DOCK9: variants seen among roughly 807,000 people sequenced by gnomAD.
DOCK9 encodes the protein dedicator of cytokinesis protein 9.
A neutral mutation model predicts 263.3 loss-of-function variants in DOCK9; 89 were observed. The observed-to-expected ratio is 0.34, with a 90% CI of 0.28 to 0.40. The LOEUF (loss-of-function observed/expected upper bound fraction) is 0.40, where lower values mean the gene tolerates loss of function less well. Among genes scored for constraint, DOCK9 ranks in the 10% least tolerant of loss-of-function variants. The pLI is 1.00. For missense variants in DOCK9, 2,140 were observed against 2,603.4 expected (o/e 0.82, Z 3.87); for synonymous variants, 976 against 973.1 (o/e 1.00, Z -0.06).
At position 98,922,042 on chromosome 13, in the gene DOCK9, C is replaced by T. The variant is rs773960375; in HGVS notation, c.582+9G>A. On this transcript the variant is annotated intron_variant, in intron 6 of 52. Transcript: ENST00000682017. ...TGAGAGGGGAGGGCAAAGTGATGTG[C>T]GTCCTCACCCTCATGGTCACGCTGA... is the stretch of plus-strand genomic sequence containing the variant. The T allele has an allele frequency of 7.6e-6, 12 of 1,576,572 alleles. No individual in the cohort carries two copies. The highest frequency in any genetic ancestry group is 4.0e-5 in the African/African-American group (3 of 74,256).
chr13:98,903,170 A>G (rs1448431991), intron 10 of DOCK9, 58 bp from the exon 11 acceptor site: 1 of 1,307,298 alleles, frequency 7.6e-7, no homozygotes, highest in African/African-American at 1.5e-5. Flanking sequence ...AAAAAACATC[A>G]TAAATGCATC....
intron 23 of DOCK9, among the ~76,000 whole-genome samples, chr13:98,882,391 T>C (rs2044931379): frequency 1.3e-5 from 2 of 152,188 alleles, no homozygotes; most frequent in African/African-American, 4.8e-5. Flanking sequence ...AGCAATCACA[T>C]ATAAAAACTT....
At chr13:98,807,360 C>G (rs1338444257) in intron 48 of DOCK9, among the ~76,000 whole-genome samples, 1 of 152,148 alleles carries the variant, frequency 6.6e-6, no homozygotes, top group Non-Finnish European at 1.5e-5. Flanking sequence ...CAGTGAGTAG[C>G]GAAGCCACGG....
At chr13:98,932,861 C>G (rs554801692) in intron 2 of DOCK9, among the ~76,000 whole-genome samples, 1 of 152,258 alleles carries the variant, frequency 6.6e-6, no homozygotes, top group East Asian at 1.9e-4. Context: ...CTCCTAGGTC[C>G]TGACTTCTTT....
chr13:98,871,567 A>G (rs566737907), intron 27 of DOCK9, among the ~76,000 whole-genome samples: 1 of 152,360 alleles, frequency 6.6e-6, no homozygotes, highest in South Asian at 2.1e-4. Context: ...CCTAAGCAAT[A>G]GAATGTTTTT....
At chr13:99,075,979 G>C (rs558979403) in intron 1 of DOCK9, among the ~76,000 whole-genome samples, 1 of 152,074 alleles carries the variant, frequency 6.6e-6, no homozygotes, top group East Asian at 1.9e-4. Context: ...ACACCCAAGC[G>C]CTATCTTAAT....
At chr13:99,026,814 C>G (rs914287521) in intron 1 of DOCK9, among the ~76,000 whole-genome samples, 1 of 152,108 alleles carries the variant, frequency 6.6e-6, no homozygotes, top group African/African-American at 2.4e-5. Flanking sequence ...TGAGGCCAGT[C>G]TAGTCATCTC....
At chr13:98,885,378 C>A (rs2045525683) in intron 20 of DOCK9, 2 of 525,820 alleles carry the variant, frequency 3.8e-6, no homozygotes, top group Non-Finnish European at 6.9e-6. Flanking sequence ...CAGAGGTGGG[C>A]AGACTGCTTG....
At chr13:99,052,853 TTTGAG>T (rs1213645822) in intron 1 of DOCK9, among the ~76,000 whole-genome samples, 3 of 152,192 alleles carry the variant, frequency 2.0e-5, no homozygotes, top group African/African-American at 2.4e-5. Context: ...GTTTTCTCAC[TTTGAG>T]TTGAGTTTTT....
At chr13:99,047,517 C>CT (rs80048308) in intron 1 of DOCK9, among the ~76,000 whole-genome samples, 32,852 of 126,988 alleles carry the variant, frequency 0.26, 4,887 homozygotes, top group East Asian at 0.38. Context: ...GGTTCTAATC[C>CT]TTTTTTTTTT....
At chr13:98,918,517 C>T (rs905093444) in intron 7 of DOCK9, among the ~76,000 whole-genome samples, 2 of 151,816 alleles carry the variant, frequency 1.3e-5, no homozygotes, top group Non-Finnish European at 2.9e-5. Context: ...GACACAACAA[C>T]CAAAATTTTA....
intron 1 of DOCK9, among the ~76,000 whole-genome samples, chr13:98,967,577 C>T (rs1255075100): frequency 2.6e-5 from 4 of 152,184 alleles, no homozygotes; most frequent in African/African-American, 9.7e-5. Context: ...TTTCTAGAAC[C>T]AGAAGTGCCT....
At chr13:98,924,986 GA>G (rs1426714056) in intron 4 of DOCK9, among the ~76,000 whole-genome samples, 2 of 152,014 alleles carry the variant, frequency 1.3e-5, no homozygotes, top group African/African-American at 2.4e-5. Flanking sequence ...CCAACACGGT[GA>G]AACCCTGTCT....
At chr13:98,891,571 G>A (rs2139075465) in intron 15 of DOCK9, among the ~76,000 whole-genome samples, 1 of 152,176 alleles carries the variant, frequency 6.6e-6, no homozygotes, top group Non-Finnish European at 1.5e-5. Context: ...TTTGAGAGAG[G>A]TGGAACACAA....
chr13:98,883,015 G>A (rs2045073780), intron 23 of DOCK9, 27 bp downstream of exon 23: 1 of 1,592,482 alleles, frequency 6.3e-7, no homozygotes, highest in South Asian at 1.1e-5. Context: ...TCACTTAAAA[G>A]GGGATACTAA....
At chr13:98,979,336 CAT>C (rs1876489620), upstream of DOCK9, among the ~76,000 whole-genome samples, 1 of 152,098 alleles carries the variant, frequency 6.6e-6, no homozygotes, top group South Asian at 2.1e-4. Context: ...AGGGAAATAA[CAT>C]AAACTATTAT....
rs113103644 is a variant in DOCK9 at position 99,001,891 on chromosome 13, C to A, written c.130-46340G>T. ...CTTCCAACTGGCAAGAATGTTAGGGCCCTATGAAAGCTGGATCTGTCCTTG... is the reference window on the plus strand; with the variant it reads ...CTTCCAACTGGCAAGAATGTTAGGGACCTATGAAAGCTGGATCTGTCCTTG... On this transcript the variant is annotated intron_variant, in intron 1 of 32. Coordinates refer to the DOCK9 transcript ENST00000427887. Among the ~76,000 whole-genome samples, 586 of 152,266 alleles carry A rather than the reference C, an allele frequency of 3.8e-3. 1 individual carries two copies. The highest frequency in any genetic ancestry group is 0.013 in the African/African-American group (543 of 41,552).
chr13:99,030,890 T>C (rs17723934), intron 1 of DOCK9, among the ~76,000 whole-genome samples: 1,781 of 152,372 alleles, frequency 0.012, 15 homozygotes, highest in Non-Finnish European at 0.021. Flanking sequence ...AAATTCTTTC[T>C]TTTTAATGAC....
At chr13:98,884,199 C>T (rs561105243) in intron 21 of DOCK9, among the ~76,000 whole-genome samples, 4 of 152,304 alleles carry the variant, frequency 2.6e-5, no homozygotes, top group Non-Finnish European at 5.9e-5. Flanking sequence ...CATCTGAACC[C>T]AACTTGAGCT....
Sources: gnomAD v4.1 joint callset for allele counts (sites outside exome capture counted in the v4.1 genomes callset) on GRCh38, gnomAD v4.1.1 for gene constraint, MANE v1.5 for transcripts, NCBI Gene and HGNC (gene_info 2026-07-23, HGNC 2026-07-21) for gene names.